The following PLXDC2 variants were observed in gnomAD, a reference collection of about 807,000 sequenced individuals.
The protein encoded by PLXDC2 is plexin domain-containing protein 2.
PLXDC2 carries 40 observed loss-of-function variants against 68.9 expected under a neutral mutation model. That is an observed-to-expected ratio of 0.58 (90% CI 0.45 to 0.76). PLXDC2 has a LOEUF of 0.76. PLXDC2 is among the 30% of genes least tolerant of loss of function. The probability of loss-of-function intolerance (pLI) is 0.00; values close to 1 mark genes in which losing one functional copy is unlikely to be tolerated. For missense variants in PLXDC2, 644 were observed against 661.9 expected, an observed-to-expected ratio of 0.97 and a Z score of 0.30; for synonymous variants, 243 against 234.2, an observed-to-expected ratio of 1.04 and a Z score of -0.34.
chr10:19,844,859 G>T (rs1485372502), intron 1 of PLXDC2, among the ~76,000 whole-genome samples: 1 of 152,132 alleles, frequency 6.6e-6, no homozygotes, highest in African/African-American at 2.4e-5. Context: ...CTCCCAAAGT[G>T]CTGGGATTAC....
At chr10:19,965,453 G>T (rs1002299449) in intron 1 of PLXDC2, among the ~76,000 whole-genome samples, 1 of 152,148 alleles carries the variant, frequency 6.6e-6, no homozygotes, top group Admixed American at 6.5e-5. Context: ...TTTTGCCAAA[G>T]AAATCACCTT....
chr10:20,281,555 G>A lies in PLXDC2; in HGVS notation c.*1736G>A, dbSNP rs570285596. On this transcript the variant is annotated 3_prime_UTR_variant, in exon 14 of 14. Transcript: ENST00000377252. ...CCATACTTTATCATCACAAGTGTCT[G>A]ACGTGAACGAATGCCATTTTCTATT... is the stretch of plus-strand genomic sequence containing the variant. 1.3e-5 allele frequency: 2 copies of A among 152,238 alleles called. No homozygotes were observed. The highest frequency in any genetic ancestry group is 4.1e-4 in the South Asian group (2 of 4,828). The allele number at this position is 152,238 out of a possible 1,614,324, so 9.4% of individuals were successfully genotyped here. A position where few individuals can be genotyped will look rare whatever the true frequency, so the allele number is the denominator to read the frequency against.
rs115193759 is a variant in PLXDC2, at chr10:19,891,556, T to C, written c.112+74365T>C. 5.9e-3 allele frequency among the ~76,000 whole-genome samples: 892 copies of C among 152,238 alleles called. 7 individuals carry two copies. The highest frequency in any genetic ancestry group is 0.021 in the African/African-American group (861 of 41,538). On this transcript the variant is annotated intron_variant, in intron 1 of 13. Transcript: ENST00000377252. The stretch of plus-strand genomic sequence containing the variant: ...ACTCCTCAAGCACCTACTGCAGGCG[T>C]TGGAAAAAGAAAGCCATGGGTCTCC...
At position 20,047,005 on chromosome 10, in the gene PLXDC2, G is replaced by A. The variant is rs372746008; in HGVS notation, c.461G>A (p.Arg154Gln). ...KIHGILSNTHRQAARVNLSFD... is the reference protein window; with the variant it reads ...KIHGILSNTHQQAARVNLSFD... Reference sequence around the variant, plus strand: ...CATGGAATATTGTCCAATACTCATCGGCAAGCTGCAGTAAGTGTTTGGACA... The same window carrying A: ...CATGGAATATTGTCCAATACTCATCAGCAAGCTGCAGTAAGTGTTTGGACA... The change falls in exon 3 of 14, where the codon CGG (arginine) becomes CAG (glutamine). Residue 154 changes from arginine to glutamine, a missense_variant. Coordinates refer to ENST00000377252, the MANE Select transcript of PLXDC2 (RefSeq NM_032812.9). The A allele has an allele frequency of 8.1e-6, 13 of 1,596,922 alleles. No individual in the cohort carries two copies. The highest frequency in any genetic ancestry group is 1.1e-5 in the South Asian group (1 of 87,722).
At chr10:19,879,622 GGT>G (rs1386508075) in intron 1 of PLXDC2, among the ~76,000 whole-genome samples, 3 of 152,158 alleles carry the variant, frequency 2.0e-5, no homozygotes, top group Non-Finnish European at 4.4e-5. Context: ...TGACTTGGCA[GGT>G]AGTGGGAATT....
chr10:19,824,826 C>T (rs1278849342), intron 1 of PLXDC2, among the ~76,000 whole-genome samples: 1 of 152,154 alleles, frequency 6.6e-6, no homozygotes, highest in Admixed American at 6.5e-5. Context: ...TTATTTTCCT[C>T]TTTTTAATTA....
At chr10:19,827,633 T>C (rs1048131511) in intron 1 of PLXDC2, among the ~76,000 whole-genome samples, 2 of 151,842 alleles carry the variant, frequency 1.3e-5, no homozygotes, top group Non-Finnish European at 2.9e-5. Context: ...CGATCTTGGC[T>C]CACTGCAACC....
At chr10:20,103,647 T>C (rs976681360) in intron 4 of PLXDC2, among the ~76,000 whole-genome samples, 12 of 110,502 alleles carry the variant, frequency 1.1e-4, no homozygotes, top group African/African-American at 3.8e-4. Context: ...TTTTTTTTTT[T>C]CTTTTTTTTT....
intron 1 of PLXDC2, among the ~76,000 whole-genome samples, chr10:19,905,140 A>T (rs749197978): frequency 4.6e-4 from 70 of 152,314 alleles, no homozygotes; most frequent in Non-Finnish European, 8.1e-4. Flanking sequence ...GTGTGCTCTG[A>T]TTGGTTCACT....
Position 20,147,525 on chromosome 10 carries a change from A to G in PLXDC2, c.665-259A>G, listed in dbSNP as rs529371638. Among the ~76,000 whole-genome samples the G allele has an allele frequency of 5.9e-5, 9 of 152,290 alleles. 1 individual carries two copies. In the South Asian group the frequency reaches 1.7e-3, roughly 28 times the overall value. The stretch of plus-strand genomic sequence containing the variant: ...ACATTAATAAAATTCCTAAGGCAAA[A>G]TTCCCCCACACTGCATTAGCTCAAT... On this transcript the variant is annotated intron_variant, in intron 5 of 13. Coordinates refer to ENST00000377252, the MANE Select transcript of PLXDC2 (RefSeq NM_032812.9).
intron 1 of PLXDC2, among the ~76,000 whole-genome samples, chr10:19,991,379 C>G (rs867369479): frequency 8.2e-5 from 12 of 146,004 alleles, no homozygotes; most frequent in Middle Eastern, 3.6e-3. Flanking sequence ...AATGTTCTAC[C>G]ATTTTGAGGA....
intron 1 of PLXDC2, among the ~76,000 whole-genome samples, chr10:19,898,583 A>T (rs1339813445): frequency 6.6e-6 from 1 of 152,210 alleles, no homozygotes; most frequent in African/African-American, 2.4e-5. Context: ...AACTTTAACC[A>T]CAATGAAAAA....
At position 19,864,825 on chromosome 10, in the gene PLXDC2, G is replaced by A. The variant is rs139705790; in HGVS notation, c.112+47634G>A. The stretch of plus-strand genomic sequence containing the variant: ...GAAAACAACTCAGGAAGGAATTCAC[G>A]TCGGGCTGTAGTTGGAATTGAGAGA... On this transcript the variant is annotated intron_variant, in intron 1 of 13. Transcript: ENST00000377252. Among the ~76,000 whole-genome samples, 47 of 152,274 alleles carry A rather than the reference G, an allele frequency of 3.1e-4. No homozygotes were observed. The East Asian group carries it at 7.9e-3, about 26-fold the overall frequency.
At chr10:20,254,433 A>G (rs1265187798) in intron 13 of PLXDC2, among the ~76,000 whole-genome samples, 1 of 152,220 alleles carries the variant, frequency 6.6e-6, no homozygotes, top group African/African-American at 2.4e-5. Context: ...TCATAGAGAA[A>G]TCACTTCATA....
chr10:20,163,992 T>G (rs1834340125), intron 6 of PLXDC2, among the ~76,000 whole-genome samples: 1 of 152,180 alleles, frequency 6.6e-6, no homozygotes, highest in Non-Finnish European at 1.5e-5. Context: ...TATTTAACAG[T>G]GCATTTATTT....
intron 4 of PLXDC2, among the ~76,000 whole-genome samples, chr10:20,070,216 A>C (rs908161943): frequency 1.3e-5 from 2 of 152,216 alleles, no homozygotes; most frequent in African/African-American, 4.8e-5. Flanking sequence ...TCCTTAAGTA[A>C]TAAACTTTAA....
At chr10:19,909,989 G>T (rs1833236773) in intron 1 of PLXDC2, among the ~76,000 whole-genome samples, 1 of 152,018 alleles carries the variant, frequency 6.6e-6, no homozygotes, top group African/African-American at 2.4e-5. Flanking sequence ...ATTTAGTTCA[G>T]AACATAAAAT....
chr10:20,177,741 C>CA (rs1334135184), intron 9 of PLXDC2, among the ~76,000 whole-genome samples: 2 of 54,100 alleles, frequency 3.7e-5, no homozygotes, highest in East Asian at 5.9e-4. Flanking sequence ...CCCATTTTTA[C>CA]AAAAAATAAG....
At chr10:19,945,363 C>T (rs992227455) in intron 1 of PLXDC2, among the ~76,000 whole-genome samples, 10 of 152,158 alleles carry the variant, frequency 6.6e-5, no homozygotes, top group Admixed American at 3.9e-4. Flanking sequence ...AAAATCTTGA[C>T]GTGCTTGTAG....
Sources: allele counts gnomAD v4.1 joint callset (sites outside exome capture counted in the v4.1 genomes callset), GRCh38; gene constraint gnomAD v4.1.1; transcripts MANE v1.5; gene names NCBI Gene and HGNC (gene_info 2026-07-23, HGNC 2026-07-21).